LAMA1: variants seen among roughly 807,000 people sequenced by gnomAD.
LAMA1 encodes laminin subunit alpha-1.
LAMA1 carries 219 observed loss-of-function variants against 348.7 expected under a neutral mutation model. That is an observed-to-expected ratio of 0.63 (90% CI 0.56 to 0.70). The LOEUF (loss-of-function observed/expected upper bound fraction) is 0.70, where lower values mean the gene tolerates loss of function less well. Ranked by LOEUF, LAMA1 falls within the 30% of genes least tolerant of loss-of-function variation. The pLI is 0.00. For missense variants in LAMA1, 3,744 were observed against 3,888.0 expected (o/e 0.96, Z 0.99); for synonymous variants, 1,487 against 1,491.0 (o/e 1.00, Z 0.06).
Position 7,023,272 on chromosome 18 carries a change from A to G in LAMA1, c.2593T>C (p.Ser865Pro), listed in dbSNP as rs1302390665. 1 of 1,614,092 alleles carries G rather than the reference A, an allele frequency of 6.2e-7. No homozygotes were observed. The highest frequency in any genetic ancestry group is 1.1e-5 in the South Asian group (1 of 91,076). Residue 865 changes from serine (S) to proline (P), a missense_variant, in exon 19 of 63, where the codon TCA becomes CCA. Physicochemically the swap from Ser to Pro is moderately conservative, Grantham distance 74. Coordinates refer to ENST00000389658, the MANE Select transcript of LAMA1 (RefSeq NM_005559.4). ...CACTTCAGGCACTCCCCGGTGACTG[A>G]GTCACAGTGACCAGCCTCCGAGGGG... ...VDPSEAGHCD[S>P]VTGECLKCLG...
At chr18:7,058,702 C>G (rs2058091660) in intron 3 of LAMA1, among the ~76,000 whole-genome samples, 1 of 152,196 alleles carries the variant, frequency 6.6e-6, no homozygotes, top group Non-Finnish European at 1.5e-5. Flanking sequence ...TCTGCTGACA[C>G]CTTGACCTTA....
chr18:6,961,009 TAA>T (rs1294251612), intron 53 of LAMA1, among the ~76,000 whole-genome samples: 1 of 152,222 alleles, frequency 6.6e-6, no homozygotes. Context: ...TAACATTCTG[TAA>T]AGTCTCTTCA....
intron 29 of LAMA1, 89 bp downstream of exon 29, chr18:7,007,050 A>C (rs1169501747): frequency 9.0e-6 from 14 of 1,553,716 alleles, no homozygotes; most frequent in Middle Eastern, 1.7e-4. Context: ...CACTAAACCA[A>C]GGCACGGCTA....
At chr18:7,086,590 C>A (rs2058218448) in intron 1 of LAMA1, among the ~76,000 whole-genome samples, 1 of 151,948 alleles carries the variant, frequency 6.6e-6, no homozygotes, top group Non-Finnish European at 1.5e-5. Flanking sequence ...CTCCCCAGTT[C>A]TTCTCCCCCA....
intron 55 of LAMA1, among the ~76,000 whole-genome samples, chr18:6,957,932 C>T (rs1353822101): frequency 6.6e-6 from 1 of 152,110 alleles, no homozygotes; most frequent in African/African-American, 2.4e-5. Context: ...AGGTGCCTGC[C>T]ACCACACCCG....
chr18:7,016,320 T>C (rs1237904721), intron 21 of LAMA1, among the ~76,000 whole-genome samples, 171 bp downstream of exon 21: 1 of 152,138 alleles, frequency 6.6e-6, no homozygotes, highest in African/African-American at 2.4e-5. Flanking sequence ...GACCAAAACT[T>C]AGGCTTGTAC....
chr18:7,011,936 C>G, intron 24 of LAMA1, 59 bp downstream of exon 24: 1 of 1,543,180 alleles, frequency 6.5e-7, no homozygotes, highest in Non-Finnish European at 8.8e-7. Flanking sequence ...TTCCCACCCC[C>G]ACCCACCTCC....
At chr18:6,949,032 G>C (rs961977450) in intron 59 of LAMA1, 69 bp downstream of exon 59, 120 of 1,578,264 alleles carry the variant, frequency 7.6e-5, no homozygotes, top group Middle Eastern at 1.7e-4. Context: ...ATGCCGTGAG[G>C]TATGCTCTTC....
chr18:7,072,709 C>T lies in LAMA1; in HGVS notation c.345+7266G>A, dbSNP rs200503429. ...TCCTGCCCCAGGATGTCGAGGGCTGCTCTGTCTCTGTGTTTCTGTTGGTAT... is the reference window on the plus strand; with the variant it reads ...TCCTGCCCCAGGATGTCGAGGGCTGTTCTGTCTCTGTGTTTCTGTTGGTAT... On this transcript the variant is annotated intron_variant, in intron 3 of 62. Coordinates refer to ENST00000389658, the MANE Select transcript of LAMA1 (RefSeq NM_005559.4). Among the ~76,000 whole-genome samples, 4 of 152,264 alleles carry T rather than the reference C, an allele frequency of 2.6e-5. No homozygotes were observed. The East Asian group carries it at 7.7e-4, about 29-fold the overall frequency.
At position 7,042,171 on chromosome 18, in the gene LAMA1, T is replaced by C. The variant is rs755304396; in HGVS notation, c.1235A>G (p.Asp412Gly). ...VGSLSSVCIK[D>G]DLHSDLHNGK... ...ATTGTGTAAGTCAGAATGGAGGTCA[T>C]CCTTAATACAGACAGAACTGAGGGA... The change falls in exon 9 of 63, where the codon GAT becomes GGT. Residue 412 changes from aspartate to glycine, a missense_variant. Physicochemically the swap from Asp to Gly is moderately conservative, Grantham distance 94. Around this residue, in one of 3 missense-constraint regions of LAMA1, gnomAD observed 1,529 missense variants for 1,689.4 expected, o/e 0.91. Coordinates refer to ENST00000389658, the MANE Select transcript of LAMA1 (RefSeq NM_005559.4). The C allele has an allele frequency of 1.4e-5, 23 of 1,612,142 alleles. No individual in the cohort carries two copies. Among genetic ancestry groups the C allele is most frequent in the Non-Finnish European group, 1.9e-5 (22 of 1,178,904 alleles).
At chr18:6,977,657 C>T in intron 44 of LAMA1, 70 bp downstream of exon 44, 1 of 1,587,706 alleles carries the variant, frequency 6.3e-7, no homozygotes, top group East Asian at 2.2e-5. Flanking sequence ...AGGGCCATGT[C>T]TGCATGAATT....
chr18:7,046,397 T>A (rs1299758219), intron 5 of LAMA1, 30 bp from the exon 6 acceptor site: 1 of 1,335,546 alleles, frequency 7.5e-7, no homozygotes, highest in Admixed American at 1.7e-5. Flanking sequence ...TGAACAAAAA[T>A]TAAAACCTAG....
chr18:7,037,602 G>A lies in LAMA1; in HGVS notation c.1713C>T (p.Ala571=), dbSNP rs142476912. 503 of 1,614,002 alleles carry A rather than the reference G, an allele frequency of 3.1e-4. 2 individuals carry two copies. Among genetic ancestry groups the A allele is most frequent in the Middle Eastern group, 1.3e-3 (8 of 6,056 alleles). Residue 571 remains alanine (A), a synonymous_variant, in exon 12 of 63, where the codon GCC becomes GCT. Transcript: ENST00000389658. ...QRLAPKYYWA[A]PEAYLGNKLT... ...CCTTATTTCCAAGGTAGGCCTCGGG[G>A]GCTGCCCAGTAGTACTTGGGAGCCA... is the stretch of plus-strand genomic sequence containing the variant.
chr18:7,036,047 G>T lies in LAMA1; in HGVS notation c.1779C>A (p.Tyr593Ter). The part of the protein sequence containing the change: ...FGGFLKYTVS[Y>*]DIPVETVDSN... ...TGTCTACCGTCTCTACCGGAATATC[G>T]TAGGACACCGTGTATTTCAGGAATC... is the stretch of plus-strand genomic sequence containing the variant. Residue 593 changes from tyrosine to a stop codon, truncating the protein, a stop_gained, in exon 13 of 63, where the codon TAC becomes TAA. Coordinates refer to ENST00000389658, the MANE Select transcript of LAMA1 (RefSeq NM_005559.4). LOFTEE classifies it high-confidence loss of function. 1 of 1,614,132 alleles carries T rather than the reference G, an allele frequency of 6.2e-7. No individual in the cohort carries two copies. The highest frequency in any genetic ancestry group is 8.5e-7 in the Non-Finnish European group (1 of 1,179,992).
At chr18:7,004,468 C>T (rs890473600) in intron 29 of LAMA1, among the ~76,000 whole-genome samples, 3 of 152,180 alleles carry the variant, frequency 2.0e-5, no homozygotes, top group African/African-American at 4.8e-5. Context: ...TTCTTCTGCC[C>T]CAGCCTCCCG....
At chr18:7,034,383 A>C in intron 14 of LAMA1, 96 bp downstream of exon 14, 1 of 879,130 alleles carries the variant, frequency 1.1e-6, no homozygotes, top group African/African-American at 1.7e-5. Flanking sequence ...TAATATAATG[A>C]ATGTAAAATA....
intron 11 of LAMA1, among the ~76,000 whole-genome samples, chr18:7,038,190 G>GTGA (rs2058003904): frequency 6.6e-6 from 1 of 152,110 alleles, no homozygotes; most frequent in South Asian, 2.1e-4. Flanking sequence ...CGACATAGAG[G>GTGA]TGATGGTACT....
intron 19 of LAMA1, among the ~76,000 whole-genome samples, chr18:7,021,254 A>G (rs2144136543): frequency 6.6e-6 from 1 of 152,222 alleles, no homozygotes; most frequent in South Asian, 2.1e-4. Flanking sequence ...GCAACCCCCG[A>G]CAGTCATTCA....
At position 7,029,916 on chromosome 18, in the gene LAMA1, G is replaced by A. The variant is rs188125346; in HGVS notation, c.2274+2150C>T. Among the ~76,000 whole-genome samples the A allele has an allele frequency of 1.2e-3, 175 of 151,434 alleles. 1 individual carries two copies. The highest frequency in any genetic ancestry group is 3.8e-3 in the African/African-American group (156 of 41,218). On this transcript the variant is annotated intron_variant, in intron 16 of 62. Coordinates refer to ENST00000389658, the MANE Select transcript of LAMA1 (RefSeq NM_005559.4). ...TGGAAGCTAGATAGTTATACGCAAG[G>A]CCCAGGGCTATGAACAACTACACAA...
Sources: gnomAD v4.1 joint callset for allele counts (sites outside exome capture counted in the v4.1 genomes callset) on GRCh38, gnomAD v4.1.1 for gene constraint, gnomAD v4.1.1 regional missense constraint, MANE v1.5 for transcripts, NCBI Gene and HGNC (gene_info 2026-07-23, HGNC 2026-07-21) for gene names.